The following CSMD1 variants were observed in gnomAD, a reference collection of about 807,000 sequenced individuals.
The protein encoded by CSMD1 is CUB and Sushi multiple domains 1.
Under a neutral mutation model 417.5 loss-of-function variants are expected in CSMD1, and 213 were observed. The ratio of observed to expected loss-of-function variants is 0.51; its 90% confidence interval spans 0.46 to 0.57. CSMD1 has a LOEUF of 0.57. Ranked by LOEUF, CSMD1 falls within the 20% of genes least tolerant of loss-of-function variation. The pLI, the probability that CSMD1 is intolerant of heterozygous loss-of-function variation, is 0.00. For synonymous variants in CSMD1, 2,862 were observed against 1,736.8 expected (o/e 1.65, Z -16.11); for missense variants, 6,923 against 4,529.7 (o/e 1.53, Z -15.17).
intron 3 of CSMD1, among the ~76,000 whole-genome samples, chr8:4,354,803 A>T (rs1801304130): frequency 6.6e-6 from 1 of 151,578 alleles, no homozygotes; most frequent in East Asian, 1.9e-4. Context: ...AAAGTTTATC[A>T]AACTTAGTAT....
chr8:3,529,582 C>A (rs906021812), intron 10 of CSMD1, among the ~76,000 whole-genome samples: 2 of 152,188 alleles, frequency 1.3e-5, no homozygotes, highest in South Asian at 2.1e-4. Flanking sequence ...AGTAGAATCA[C>A]AGGAATGCGA....
At chr8:3,356,544 A>G (rs113789118) in intron 21 of CSMD1, among the ~76,000 whole-genome samples, 3,127 of 152,226 alleles carry the variant, frequency 0.021, 117 homozygotes, top group African/African-American at 0.07. Flanking sequence ...GCGTGGTGGC[A>G]TGTGCCTGTA....
intron 4 of CSMD1, among the ~76,000 whole-genome samples, chr8:4,008,331 A>G (rs961693341): frequency 6.6e-6 from 1 of 152,144 alleles, no homozygotes; most frequent in Admixed American, 6.5e-5. Flanking sequence ...ATCTATTAAT[A>G]TAATGGAAGC....
At chr8:4,056,484 G>A (rs1033895882) in intron 3 of CSMD1, among the ~76,000 whole-genome samples, 3 of 151,474 alleles carry the variant, frequency 2.0e-5, no homozygotes, top group African/African-American at 2.4e-5. Flanking sequence ...TTCCGGGGCT[G>A]AGAGTCCTGA....
intron 3 of CSMD1, among the ~76,000 whole-genome samples, chr8:4,235,420 C>G (rs1278169123): frequency 6.6e-6 from 1 of 151,304 alleles, no homozygotes; most frequent in Non-Finnish European, 1.5e-5. Flanking sequence ...ACCTAATGCT[C>G]TAAAGGCTAT....
At chr8:4,326,827 T>C (rs559307002) in intron 3 of CSMD1, among the ~76,000 whole-genome samples, 1 of 147,710 alleles carries the variant, frequency 6.8e-6, no homozygotes, top group Admixed American at 6.7e-5. Context: ...TTTGAGATTC[T>C]TCTGAAAAAA....
rs570450035 is a variant in CSMD1, at chr8:4,683,676, C to T, written c.86-46118G>A. Among the ~76,000 whole-genome samples the T allele has an allele frequency of 2.6e-3, 389 of 152,320 alleles. 5 individuals carry two copies. The highest frequency in any genetic ancestry group is 9.1e-3 in the African/African-American group (378 of 41,568). ...GGAGTGTGGGGACTCCCAGCCAGTC[C>T]AGTGGCTCTGTTTCCTTGGGGTCCC... On this transcript the variant is annotated intron_variant, in intron 1 of 69. Coordinates refer to ENST00000635120, the MANE Select transcript of CSMD1 (RefSeq NM_033225.6).
intron 54 of CSMD1, among the ~76,000 whole-genome samples, chr8:2,990,270 T>C (rs1806261501): frequency 6.6e-6 from 1 of 152,192 alleles, no homozygotes; most frequent in Non-Finnish European, 1.5e-5. Flanking sequence ...TCATAGTTTC[T>C]TGTAGATGTG....
At chr8:3,397,668 G>A (rs143101995) in intron 16 of CSMD1, among the ~76,000 whole-genome samples, 5 of 152,278 alleles carry the variant, frequency 3.3e-5, no homozygotes, top group East Asian at 1.9e-4. Context: ...CTGGCTAAGC[G>A]TGAAAGCAAT....
chr8:4,917,171 G>C (rs772240567), intron 1 of CSMD1, among the ~76,000 whole-genome samples: 2 of 152,168 alleles, frequency 1.3e-5, no homozygotes, highest in Non-Finnish European at 2.9e-5. Flanking sequence ...TGGAGCAGGA[G>C]GAAGACAGAG....
At chr8:3,547,669 T>C (rs957894189) in intron 10 of CSMD1, among the ~76,000 whole-genome samples, 1 of 152,226 alleles carries the variant, frequency 6.6e-6, no homozygotes, top group Non-Finnish European at 1.5e-5. Flanking sequence ...TTAAATATAC[T>C]ACAACCTTTC....
At chr8:4,337,105 T>C (rs1800217402) in intron 3 of CSMD1, among the ~76,000 whole-genome samples, 1 of 152,156 alleles carries the variant, frequency 6.6e-6, no homozygotes, top group South Asian at 2.1e-4. Flanking sequence ...TGCGGCCACG[T>C]ACAGGAGACC....
chr8:4,603,506 T>G (rs1798532510), intron 2 of CSMD1, among the ~76,000 whole-genome samples: 1 of 152,080 alleles, frequency 6.6e-6, no homozygotes, highest in East Asian at 1.9e-4. Flanking sequence ...ATTAATCCTA[T>G]TTAAAAGATA....
At chr8:3,274,876 G>T (rs7832548) in intron 26 of CSMD1, among the ~76,000 whole-genome samples, 41,781 of 151,930 alleles carry the variant, frequency 0.28, 5,968 homozygotes, top group African/African-American at 0.34. Flanking sequence ...TCTTGACTCT[G>T]TGTCCAGTTT....
At chr8:3,103,180 T>C (rs1815883542) in intron 46 of CSMD1, among the ~76,000 whole-genome samples, 1 of 152,172 alleles carries the variant, frequency 6.6e-6, no homozygotes, top group Non-Finnish European at 1.5e-5. Context: ...GCTAAGGAGG[T>C]ACATAAGCTC....
chr8:4,136,517 G>A (rs1803445343), intron 3 of CSMD1, among the ~76,000 whole-genome samples: 1 of 152,208 alleles, frequency 6.6e-6, no homozygotes, highest in Non-Finnish European at 1.5e-5. Flanking sequence ...TACAGCAATA[G>A]CAAACATGCT....
rs1819941827 is a variant in CSMD1, at chr8:3,162,211, T to C, written c.5792A>G (p.Tyr1931Cys). 2 of 1,611,638 alleles carry C rather than the reference T, an allele frequency of 1.2e-6. No individual in the cohort carries two copies. The highest frequency in any genetic ancestry group is 2.2e-5 in the East Asian group (1 of 44,834). The change falls in exon 38 of 70, where the codon TAC (tyrosine) becomes TGC (cysteine). Residue 1931 changes from tyrosine (Y) to cysteine (C), a missense_variant. Coordinates refer to ENST00000635120, the MANE Select transcript of CSMD1 (RefSeq NM_033225.6). The stretch of plus-strand genomic sequence containing the variant: ...GAAGGAGAGCACGTCGTTCACCATG[T>C]ACCGATCTCCGATTTTGATGCTGTT... ...PSNSIKIGDR[Y>C]MVNDVLSFQC... is the part of the protein sequence containing the mutation.
At chr8:3,306,413 A>T (rs1183411624) in intron 25 of CSMD1, among the ~76,000 whole-genome samples, 1 of 152,026 alleles carries the variant, frequency 6.6e-6, no homozygotes, top group African/African-American at 2.4e-5. Context: ...ATCTTAAGTG[A>T]TCCACCCACC....
chr8:4,447,403 G>C (rs1295130511), intron 2 of CSMD1, among the ~76,000 whole-genome samples: 2 of 152,166 alleles, frequency 1.3e-5, no homozygotes, highest in Non-Finnish European at 2.9e-5. Flanking sequence ...ATTGGGAAAG[G>C]AAGCCTGAAG....
Sources: gnomAD v4.1 joint callset for allele counts (sites outside exome capture counted in the v4.1 genomes callset) on GRCh38, gnomAD v4.1.1 for gene constraint, MANE v1.5 for transcripts, NCBI Gene and HGNC (gene_info 2026-07-23, HGNC 2026-07-21) for gene names.